Variants in RNF144A observed in about 807,000 individuals in gnomAD.
The protein encoded by RNF144A is ring finger protein 144A, also known as E3 ubiquitin-protein ligase RNF144A.
A neutral mutation model predicts 38.7 loss-of-function variants in RNF144A; 11 were observed. That is an observed-to-expected ratio of 0.28 (90% confidence interval 0.18 to 0.47). The LOEUF (loss-of-function observed/expected upper bound fraction) is 0.47, where lower values mean the gene tolerates loss of function less well. Ranked by LOEUF, RNF144A falls within the 20% of genes least tolerant of loss-of-function variation. RNF144A has a pLI of 0.99. For missense variants in RNF144A, 316 were observed against 377.2 expected, an observed-to-expected ratio of 0.84 and a Z score of 1.34; for synonymous variants, 149 against 143.9, an observed-to-expected ratio of 1.04 and a Z score of -0.25.
chr2:7,056,524 GC>G, intron 6 of RNF144A, among the ~76,000 whole-genome samples: 1 of 152,178 alleles, frequency 6.6e-6, no homozygotes, highest in East Asian at 1.9e-4. Flanking sequence ...TCCCTCCTCA[GC>G]CCACCCACCA....
chr2:6,951,790 A>G (rs1666697581), intron 2 of RNF144A, among the ~76,000 whole-genome samples: 1 of 152,146 alleles, frequency 6.6e-6, no homozygotes, highest in Non-Finnish European at 1.5e-5. Context: ...TAGTCACTTT[A>G]CCAAACCTTT....
At chr2:7,010,087 C>T (rs188143951) in intron 3 of RNF144A, among the ~76,000 whole-genome samples, 1 of 152,264 alleles carries the variant, frequency 6.6e-6, no homozygotes, top group Non-Finnish European at 1.5e-5. Flanking sequence ...CATAAACAGA[C>T]CATGGATTAT....
intron 8 of RNF144A, among the ~76,000 whole-genome samples, chr2:7,030,583 G>C (rs1267968114): frequency 6.6e-6 from 1 of 151,976 alleles, no homozygotes; most frequent in Non-Finnish European, 1.5e-5. Context: ...GCTTTCTCTT[G>C]AGGCCCTGAG....
chr2:7,006,261 C>G (rs529304085), intron 3 of RNF144A, among the ~76,000 whole-genome samples: 17 of 152,214 alleles, frequency 1.1e-4, no homozygotes, highest in African/African-American at 3.4e-4. Flanking sequence ...CTTTTTCTAA[C>G]TTGATGTGTA....
downstream of RNF144A, among the ~76,000 whole-genome samples, chr2:7,073,091 C>T (rs143785186): frequency 3.8e-3 from 575 of 152,288 alleles, 2 homozygotes; most frequent in African/African-American, 0.013. Flanking sequence ...CTGGCCGTAC[C>T]GGACAACTTT....
the RNF144A span, among the ~76,000 whole-genome samples, chr2:7,075,577 C>T: frequency 1.1e-4 from 17 of 152,126 alleles, no homozygotes; most frequent in African/African-American, 4.1e-4. Flanking sequence ...CCTTAGATAG[C>T]ACATTTGCTT....
At position 6,980,217 on chromosome 2, in the gene RNF144A, C is replaced by T. The variant is rs1041646214; in HGVS notation, c.-11-16699C>T. 2.0e-5 allele frequency among the ~76,000 whole-genome samples: 3 copies of T among 152,286 alleles called. No homozygotes were observed. The South Asian group carries it at 6.2e-4, about 32-fold the overall frequency. ...TTCCACCCCAGCGTCTCCCAGATAT[C>T]GTGTCCTTTCCACATTTCAAAACCA... is the stretch of plus-strand genomic sequence containing the variant. On this transcript the variant is annotated intron_variant, in intron 2 of 8. Transcript: ENST00000320892.
chr2:6,949,470 A>G (rs561067031), intron 2 of RNF144A, among the ~76,000 whole-genome samples: 2 of 151,032 alleles, frequency 1.3e-5, no homozygotes, highest in East Asian at 3.9e-4. Context: ...TTGAAAGTGC[A>G]TCATCTGAGG....
chr2:6,921,834 A>C (rs1664558115), intron 1 of RNF144A, among the ~76,000 whole-genome samples: 1 of 152,140 alleles, frequency 6.6e-6, no homozygotes, highest in South Asian at 2.1e-4. Context: ...GCAAATTAAG[A>C]GGGACAAGGT....
chr2:7,053,957 G>A (rs544613760), intron 6 of RNF144A, among the ~76,000 whole-genome samples: 11 of 152,356 alleles, frequency 7.2e-5, no homozygotes, highest in African/African-American at 1.4e-4. Context: ...CCCAGAGAGA[G>A]AAGCAGAGCT....
intron 2 of RNF144A, chr2:6,978,558 A>G (rs1379682340): frequency 6.6e-6 from 1 of 152,528 alleles, no homozygotes; most frequent in Non-Finnish European, 1.5e-5. Flanking sequence ...CCCGCCTTGA[A>G]GACTCTTCCC....
intron 2 of RNF144A, among the ~76,000 whole-genome samples, chr2:6,955,798 T>A (rs1666964546): frequency 6.6e-6 from 1 of 152,108 alleles, no homozygotes; most frequent in African/African-American, 2.4e-5. Context: ...ATGGCTGTCT[T>A]TTGTTTGCTA....
intron 2 of RNF144A, among the ~76,000 whole-genome samples, chr2:6,945,229 G>C (rs1315392099): frequency 6.6e-6 from 1 of 152,234 alleles, no homozygotes; most frequent in Non-Finnish European, 1.5e-5. Context: ...CCGATACCTT[G>C]CTCTAGTTCC....
chr2:6,971,533 A>G (rs1322133131), intron 2 of RNF144A, among the ~76,000 whole-genome samples: 1 of 152,196 alleles, frequency 6.6e-6, no homozygotes, highest in Admixed American at 6.5e-5. Flanking sequence ...TTCAGGATCA[A>G]TGAGAGATTT....
rs906897116 is a variant in RNF144A, at chr2:7,040,874, G to T, written c.*1114G>T. Reference sequence around the variant, plus strand: ...TCCTGTTGCTAACCGTTTTGCTCTTGTTGGGGAAAAGAACCTCCCATTTCA... The same window carrying T: ...TCCTGTTGCTAACCGTTTTGCTCTTTTTGGGGAAAAGAACCTCCCATTTCA... On this transcript the variant is annotated 3_prime_UTR_variant, in exon 9 of 9. Coordinates refer to ENST00000320892, the MANE Select transcript of RNF144A (RefSeq NM_014746.6). 1 of 985,432 alleles carries T rather than the reference G, an allele frequency of 1.0e-6. No homozygotes were observed. The highest frequency in any genetic ancestry group is 1.2e-6 in the Non-Finnish European group (1 of 829,932). 61.0% of individuals were successfully genotyped at this position (985,432 alleles called of 1,614,324 possible). A position where few individuals can be genotyped will look rare whatever the true frequency, so the allele number is the denominator to read the frequency against.
chr2:6,994,818 C>G (rs1406011040), intron 2 of RNF144A, among the ~76,000 whole-genome samples: 1 of 152,214 alleles, frequency 6.6e-6, no homozygotes, highest in Non-Finnish European at 1.5e-5. Flanking sequence ...CCTCCAGCTG[C>G]GGCCCACTCC....
rs1666758980 is a variant in RNF144A, at chr2:6,952,631, ATATATT to A, written c.-12+11490_-12+11495del. ...GTTATATATAAAAAAGTATGTTAAC[ATATATT>A]TATATATATAACTTAAGAAAAAATT... On this transcript the variant is annotated intron_variant, in intron 2 of 8. Coordinates refer to ENST00000320892, the MANE Select transcript of RNF144A (RefSeq NM_014746.6). Among the ~76,000 whole-genome samples, 3 of 150,538 alleles carry A rather than the reference ATATATT, an allele frequency of 2.0e-5. No individual in the cohort carries two copies. The South Asian group carries it at 6.2e-4, about 31-fold the overall frequency.
intron 5 of RNF144A, among the ~76,000 whole-genome samples, chr2:7,018,885 A>G (rs1410630499): frequency 6.6e-6 from 1 of 151,638 alleles, no homozygotes; most frequent in African/African-American, 2.4e-5. Context: ...TGATTAATTC[A>G]TGCTTAAAAA....
intron 3 of RNF144A, among the ~76,000 whole-genome samples, chr2:7,008,476 T>C (rs558712543): frequency 2.0e-5 from 3 of 152,316 alleles, no homozygotes; most frequent in Non-Finnish European, 2.9e-5. Flanking sequence ...AGTGGGTTCT[T>C]ATAAAGCAGC....
Sources: allele counts gnomAD v4.1 joint callset (sites outside exome capture counted in the v4.1 genomes callset), GRCh38; gene constraint gnomAD v4.1.1; transcripts MANE v1.5; gene names NCBI Gene and HGNC (gene_info 2026-07-23, HGNC 2026-07-21).